CLDN16: variants seen among roughly 807,000 people sequenced by gnomAD.
The protein encoded by CLDN16 is claudin-16.
In CLDN16, 13 loss-of-function variants were observed where a neutral mutation model predicts 24.6. The ratio of observed to expected loss-of-function variants is 0.53; its 90% CI spans 0.34 to 0.84. The LOEUF is 0.84. CLDN16 is among the 40% of genes least tolerant of loss of function. The pLI is 0.01. For missense variants in CLDN16, 298 were observed against 292.7 expected, an observed-to-expected ratio of 1.02 and a Z score of -0.13; for synonymous variants, 116 against 106.7, an observed-to-expected ratio of 1.09 and a Z score of -0.54.
At chr3:190,375,471 G>A (rs1473610627) in intron 3 of CLDN16, among the ~76,000 whole-genome samples, 5 of 151,858 alleles carry the variant, frequency 3.3e-5, no homozygotes, top group Admixed American at 2.0e-4. Context: ...CATGACTATG[G>A]GTCATGCAGG....
At chr3:190,370,515 C>T (rs1718115982) in intron 1 of CLDN16, among the ~76,000 whole-genome samples, 1 of 151,874 alleles carries the variant, frequency 6.6e-6, no homozygotes, top group Non-Finnish European at 1.5e-5. Context: ...TGTGGCCATG[C>T]TTGTTGTGCA....
At chr3:190,396,499 A>T (rs1208596167) in intron 1 of CLDN16, among the ~76,000 whole-genome samples, 1 of 152,230 alleles carries the variant, frequency 6.6e-6, no homozygotes, top group African/African-American at 2.4e-5. Flanking sequence ...TCTTATCCTC[A>T]CTAAACATTT....
In CLDN16 at chr3:190,405,018, C is replaced by G. The variant is rs1719057605; in HGVS notation, c.382+92C>G. On this transcript the variant is annotated intron_variant, in intron 3 of 4. Coordinates refer to ENST00000264734, the MANE Select transcript of CLDN16 (RefSeq NM_006580.4). Reference sequence around the variant, plus strand: ...GAGTTGTGCTGAAGCTGCTCATTTTCGGATTATATGTGGCTTCCCTTTCTA... The same window carrying G: ...GAGTTGTGCTGAAGCTGCTCATTTTGGGATTATATGTGGCTTCCCTTTCTA... The G allele has an allele frequency of 3.9e-6, 5 of 1,290,494 alleles. No homozygotes were observed. In the Admixed American group the frequency reaches 8.5e-5, roughly 22 times the overall value. 79.9% of individuals were successfully genotyped at this position (1,290,494 alleles called of 1,614,324 possible).
At chr3:190,309,009 T>A in the CLDN16 span, among the ~76,000 whole-genome samples, 2 of 152,154 alleles carry the variant, frequency 1.3e-5, no homozygotes, top group Admixed American at 1.3e-4. Flanking sequence ...GGGTGGGGTA[T>A]CTGTGAGTGA....
chr3:190,290,728 A>G, the CLDN16 span, among the ~76,000 whole-genome samples: 2 of 152,232 alleles, frequency 1.3e-5, no homozygotes, highest in South Asian at 2.1e-4. Flanking sequence ...TAATTATTAC[A>G]ATTCTAATTT....
chr3:190,334,832 C>G (rs1389250559), intron 1 of CLDN16, among the ~76,000 whole-genome samples: 1 of 152,180 alleles, frequency 6.6e-6, no homozygotes, highest in Admixed American at 6.5e-5. Flanking sequence ...ATGCAGCTTT[C>G]CTCTTCACCA....
chr3:190,322,281 G>A, upstream of CLDN16: 1 of 1,328,236 alleles, frequency 7.5e-7, no homozygotes, highest in Non-Finnish European at 1.1e-6. Flanking sequence ...GGGCAACCCG[G>A]ACTCCCGAAG....
At chr3:190,319,915 AGAG>A (rs58744061), upstream of CLDN16, among the ~76,000 whole-genome samples, 1,123 of 152,334 alleles carry the variant, frequency 7.4e-3, 13 homozygotes, top group African/African-American at 0.023. Flanking sequence ...ACGGCAGGTG[AGAG>A]GAGAACACCT....
chr3:190,402,487 G>A, intron 2 of CLDN16, 48 bp downstream of exon 2: 1 of 1,406,402 alleles, frequency 7.1e-7, no homozygotes, highest in South Asian at 1.1e-5. Flanking sequence ...GAAAGGGACA[G>A]AAAACTGAGT....
At chr3:190,371,462 A>G (rs114199580) in intron 2 of CLDN16, among the ~76,000 whole-genome samples, 87 of 152,020 alleles carry the variant, frequency 5.7e-4, no homozygotes, top group African/African-American at 2.0e-3. Context: ...GTGCATCTCT[A>G]TTAAGAAGGA....
chr3:190,293,973 T>C, the CLDN16 span, among the ~76,000 whole-genome samples: 5 of 152,174 alleles, frequency 3.3e-5, no homozygotes, highest in South Asian at 1.0e-3. Flanking sequence ...ATAACAAGTG[T>C]GGAGTTCAAT....
intron 1 of CLDN16, among the ~76,000 whole-genome samples, chr3:190,356,812 T>A (rs183983205): frequency 1.5e-3 from 234 of 152,086 alleles, no homozygotes; most frequent in African/African-American, 5.5e-3. Flanking sequence ...AACATAATGA[T>A]TGCAGATATC....
chr3:190,357,401 C>T (rs1717797269), intron 1 of CLDN16, among the ~76,000 whole-genome samples: 1 of 151,862 alleles, frequency 6.6e-6, no homozygotes, highest in African/African-American at 2.4e-5. Flanking sequence ...TTGGTTCAAA[C>T]ACTCTTTATT....
At chr3:190,347,704 A>G (rs551219953) in intron 1 of CLDN16, among the ~76,000 whole-genome samples, 1 of 152,320 alleles carries the variant, frequency 6.6e-6, no homozygotes, top group Admixed American at 6.5e-5. Context: ...TAGACAATAA[A>G]AAGAGGTGAT....
intron 1 of CLDN16, among the ~76,000 whole-genome samples, chr3:190,323,525 A>G (rs907352954): frequency 6.6e-6 from 1 of 152,218 alleles, no homozygotes; most frequent in Admixed American, 6.5e-5. Flanking sequence ...GGAATCATTG[A>G]AATGTTTTTC....
At chr3:190,401,185 A>G (rs192342312) in intron 1 of CLDN16, among the ~76,000 whole-genome samples, 4 of 152,322 alleles carry the variant, frequency 2.6e-5, no homozygotes, top group Admixed American at 2.0e-4. Flanking sequence ...TATTTGGCAC[A>G]TAACACGGCC....
At chr3:190,350,605 TC>T (rs754693622) in intron 1 of CLDN16, among the ~76,000 whole-genome samples, 1 of 152,144 alleles carries the variant, frequency 6.6e-6, no homozygotes, top group Non-Finnish European at 1.5e-5. Flanking sequence ...GAATTTCAGC[TC>T]CACCATTTAA....
upstream of CLDN16, among the ~76,000 whole-genome samples, chr3:190,385,646 T>A (rs1354635842): frequency 6.6e-6 from 1 of 152,112 alleles, no homozygotes; most frequent in Non-Finnish European, 1.5e-5. Context: ...TGAGAATGCA[T>A]ATGCTTAGCA....
chr3:190,312,890 C>T, the CLDN16 span: 5,432 of 1,613,992 alleles, frequency 3.4e-3, 33 homozygotes, highest in Non-Finnish European at 2.8e-3. Flanking sequence ...AGAAATATCG[C>T]ACCCCCAATG....
Sources: allele counts gnomAD v4.1 joint callset (sites outside exome capture counted in the v4.1 genomes callset), GRCh38; gene constraint gnomAD v4.1.1; transcripts MANE v1.5; gene names NCBI Gene and HGNC (gene_info 2026-07-23, HGNC 2026-07-21).